Variants in RGL3 observed in about 807,000 individuals in gnomAD.
The protein encoded by RGL3 is ral guanine nucleotide dissociation stimulator like 3.
A neutral mutation model predicts 90.6 loss-of-function variants in RGL3; 85 were observed. The ratio of observed to expected loss-of-function variants is 0.94; its 90% confidence interval spans 0.79 to 1.12. The LOEUF is 1.12. RGL3 is among the 50% of genes most tolerant of loss of function. The probability of loss-of-function intolerance (pLI) is 0.00; values close to 1 mark genes in which losing one functional copy is unlikely to be tolerated. For missense variants in RGL3, 1,034 were observed against 939.2 expected, an observed-to-expected ratio of 1.10 and a Z score of -1.32; for synonymous variants, 408 against 385.5, an observed-to-expected ratio of 1.06 and a Z score of -0.68.
In RGL3 at chr19:11,416,609, C is replaced by T. The variant is rs1969003130; in HGVS notation, c.425+5G>A. 1 of 1,613,864 alleles carries T rather than the reference C, an allele frequency of 6.2e-7. No individual in the cohort carries two copies. The highest frequency in any genetic ancestry group is 1.3e-5 in the African/African-American group (1 of 75,022). ...CGCACTCCCCTATCTGGATGAAGGACCCACCTCAGGTTCTTGTTGAAGCTC... is the reference window on the plus strand; with the variant it reads ...CGCACTCCCCTATCTGGATGAAGGATCCACCTCAGGTTCTTGTTGAAGCTC... On this transcript the variant is annotated splice_donor_5th_base_variant and intron_variant, in intron 4 of 18. Transcript: ENST00000380456.
rs1439502542 is a variant in RGL3, at chr19:11,406,585, G to A, written c.830C>T (p.Ser277Leu). The change falls in exon 7 of 19, where the codon TCG becomes TTG. Residue 277 changes from serine to leucine, a missense_variant. Physicochemically the swap from Ser to Leu is moderately radical, Grantham distance 145. Transcript: ENST00000380456. ...TGCAGCCCCCGGCCGGTCCCTCTGC[G>A]ACCACACGGAGCCCAAGCACTCGTA... is the stretch of plus-strand genomic sequence containing the variant. ...RLYECLGSVW[S>L]QRDRPGAAGA... is the part of the protein sequence containing the mutation. 6.4e-7 allele frequency: 1 copy of A among 1,552,230 alleles called. No homozygotes were observed.
chr19:11,401,931 G>A (rs1331496932), intron 13 of RGL3, 80 bp downstream of exon 13: 20 of 1,487,800 alleles, frequency 1.3e-5, no homozygotes, highest in Admixed American at 6.9e-5. Flanking sequence ...GGAGCTGGAG[G>A]TGTGTATGGA....
At chr19:11,404,973 G>A (rs1433783013) in intron 9 of RGL3, among the ~76,000 whole-genome samples, 174 bp downstream of exon 9, 2 of 152,086 alleles carry the variant, frequency 1.3e-5, no homozygotes, top group African/African-American at 4.8e-5. Flanking sequence ...TATAACGCAG[G>A]AAGTAGAGGA....
chr19:11,395,309 G>A (rs759504355), intron 18 of RGL3, among the ~76,000 whole-genome samples: 5 of 151,922 alleles, frequency 3.3e-5, no homozygotes, highest in Non-Finnish European at 7.4e-5. Context: ...CTCAACACCT[G>A]AACAACCACA....
intron 9 of RGL3, 65 bp downstream of exon 9, chr19:11,405,082 C>G: frequency 7.6e-7 from 1 of 1,322,816 alleles, no homozygotes; most frequent in Non-Finnish European, 1.1e-6. Context: ...TTACCCCTGC[C>G]TGGCCCCAAG....
chr19:11,416,213 T>G (rs62131150), intron 4 of RGL3, 65 bp from the exon 5 acceptor site: 1 of 991,142 alleles, frequency 1.0e-6, no homozygotes, highest in South Asian at 1.9e-5. Context: ...TGACTCCTGG[T>G]ACCTTTTTTT....
Position 11,419,231 on chromosome 19 carries a change from C to G in RGL3, c.33+15G>C. On this transcript the variant is annotated intron_variant, in intron 1 of 18. Transcript: ENST00000380456. ...CACCAGGGATGCGGGGTCCGGGGAT[C>G]CCTTGTCCCCTTACCAGGGCCAGCT... 6.3e-7 allele frequency: 1 copy of G among 1,592,726 alleles called. No homozygotes were observed. Among genetic ancestry groups the G allele is most frequent in the African/African-American group, 1.4e-5 (1 of 72,922 alleles).
chr19:11,406,817 A>G lies in RGL3; in HGVS notation c.685T>C (p.Cys229Arg). 1 of 1,590,732 alleles carries G rather than the reference A, an allele frequency of 6.3e-7. No homozygotes were observed. The highest frequency in any genetic ancestry group is 8.6e-7 in the Non-Finnish European group (1 of 1,159,532). ...QTSDPDSSEA[C>R]AEEEEGLMPQ... ...ATGAGCCCTTCCTCTTCCTCCGCGC[A>G]GGCCTCTGAAGAGTCTGGGTCAGAA... Residue 229 changes from cysteine to arginine, a missense_variant, in exon 6 of 19, where the codon TGC (cysteine) becomes CGC (arginine). Cys to Arg is a radical substitution (Grantham distance 180). Transcript: ENST00000380456.
chr19:11,403,508 C>T (rs941325390), intron 9 of RGL3, among the ~76,000 whole-genome samples: 1 of 151,014 alleles, frequency 6.6e-6, no homozygotes, highest in Non-Finnish European at 1.5e-5. Flanking sequence ...GGCATGGTAG[C>T]ATATTTCTGT....
chr19:11,409,621 GAAA>G (rs1237801000), intron 5 of RGL3, among the ~76,000 whole-genome samples: 2 of 152,214 alleles, frequency 1.3e-5, no homozygotes, highest in African/African-American at 4.8e-5. Context: ...CAAGGACCAC[GAAA>G]GTCTGGGCTT....
In RGL3 at chr19:11,400,022, A is replaced by G. The variant is rs1165406349; in HGVS notation, c.1649+18T>C. Reference sequence around the variant, plus strand: ...TGATCCCATGATCCCCAGTCCCATCACCAAGCAGAATGCTCACCTGGAGGT... The same window carrying G: ...TGATCCCATGATCCCCAGTCCCATCGCCAAGCAGAATGCTCACCTGGAGGT... On this transcript the variant is annotated intron_variant, in intron 15 of 18. Coordinates refer to ENST00000380456, the MANE Select transcript of RGL3 (RefSeq NM_001035223.4). 1.1e-5 allele frequency: 18 copies of G among 1,602,664 alleles called. No individual in the cohort carries two copies. Among genetic ancestry groups the G allele is most frequent in the Middle Eastern group, 1.7e-4 (1 of 6,016 alleles).
At chr19:11,400,897 A>G (rs1220942496) in intron 13 of RGL3, among the ~76,000 whole-genome samples, 2 of 138,074 alleles carry the variant, frequency 1.4e-5, no homozygotes, top group African/African-American at 5.9e-5. Context: ...ATAAATAAAT[A>G]AATAAAATAA....
intron 1 of RGL3, 109 bp downstream of exon 1, chr19:11,419,137 A>G: frequency 8.2e-7 from 1 of 1,221,296 alleles, no homozygotes; most frequent in Admixed American, 2.2e-5. Flanking sequence ...AGGGGACTCC[A>G]GGGCAAGTTC....
chr19:11,402,113 C>G lies in RGL3; in HGVS notation c.1382G>C (p.Arg461Pro). 10 of 1,603,152 alleles carry G rather than the reference C, an allele frequency of 6.2e-6. No homozygotes were observed. Among genetic ancestry groups the G allele is most frequent in the Non-Finnish European group, 7.7e-6 (9 of 1,174,746 alleles). ...KRRKEWEILA[R>P]IQQLQRRCQS... ...ACAGCGCCTCTGCAGCTGCTGGATG[C>G]GGGCCAGGATCTCCCACTCCTGGAG... Residue 461 changes from arginine to proline, a missense_variant, in exon 13 of 19, where the codon CGC (arginine) becomes CCC (proline). By Grantham distance (103) the Arg-to-Pro change is moderately radical (BLOSUM62 -2). Coordinates refer to ENST00000380456, the MANE Select transcript of RGL3 (RefSeq NM_001035223.4).
At position 11,405,382 on chromosome 19, in the gene RGL3, C is replaced by G. The variant is rs778468345; in HGVS notation, c.1041G>C (p.Leu347=). The G allele has an allele frequency of 3.7e-6, 6 of 1,607,826 alleles. No homozygotes were observed. The highest frequency in any genetic ancestry group is 1.1e-5 in the South Asian group (1 of 90,526). Residue 347 remains leucine, a synonymous_variant, in exon 8 of 19, where the codon CTG becomes CTC. Transcript: ENST00000380456. ...AGATGGGGTTAGATTGCAGGGCGGA[C>G]AGGATGGCGCGCAAGGAGGAGAAGT... is the stretch of plus-strand genomic sequence containing the variant. ...LRNFSSLRAI[L]SALQSNPIYR... is the part of the protein sequence containing the mutation.
chr19:11,405,261 G>T (rs770215442), intron 8 of RGL3, 30 bp from the exon 9 acceptor site: 1 of 1,612,768 alleles, frequency 6.2e-7, no homozygotes, highest in South Asian at 1.1e-5. Flanking sequence ...GTGGTCAGGG[G>T]TCAGTGGCTT....
chr19:11,404,235 A>G lies in RGL3; in HGVS notation c.1185+912T>C, dbSNP rs75702179. On this transcript the variant is annotated intron_variant, in intron 9 of 18. Transcript: ENST00000380456. ...AAAACAGGGTTTCACTCTGTTAGCC[A>G]GGTGAAATTTGGCTGGGAGTGATGG... 9.9e-3 allele frequency among the ~76,000 whole-genome samples: 1,499 copies of G among 151,550 alleles called. 22 individuals carry two copies. Among genetic ancestry groups the G allele is most frequent in the East Asian group, 0.06 (304 of 5,058 alleles).
At chr19:11,394,595 C>T in intron 18 of RGL3, 75 bp from the exon 19 acceptor site, 4 of 1,115,542 alleles carry the variant, frequency 3.6e-6, no homozygotes, top group Non-Finnish European at 5.5e-6. Flanking sequence ...CGGGAGCCTC[C>T]TGCCACTCAC....
At chr19:11,412,479 A>T (rs1968890890) in intron 5 of RGL3, among the ~76,000 whole-genome samples, 1 of 151,990 alleles carries the variant, frequency 6.6e-6, no homozygotes, top group Admixed American at 6.6e-5. Context: ...TATGTCTGAA[A>T]TTTTCCATAG....
Sources: allele counts gnomAD v4.1 joint callset (sites outside exome capture counted in the v4.1 genomes callset), GRCh38; gene constraint gnomAD v4.1.1; transcripts MANE v1.5; gene names NCBI Gene and HGNC (gene_info 2026-07-23, HGNC 2026-07-21).